CDKL1: variants seen among roughly 807,000 people sequenced by gnomAD.
CDKL1 encodes the protein cyclin-dependent kinase-like 1.
CDKL1 carries 41 observed loss-of-function variants against 42.0 expected under a neutral mutation model. The ratio of observed to expected loss-of-function variants is 0.98; its 90% CI spans 0.76 to 1.27. The LOEUF is 1.27. CDKL1 is among the 50% of genes most tolerant of loss of function. The probability of loss-of-function intolerance (pLI) is 0.00; values close to 1 mark genes in which losing one functional copy is unlikely to be tolerated. For synonymous variants in CDKL1, 153 were observed against 158.6 expected, an observed-to-expected ratio of 0.96 and a Z score of 0.26; for missense variants, 394 against 428.4, an observed-to-expected ratio of 0.92 and a Z score of 0.71.
chr14:50,387,422 C>A (rs2035119606), intron 2 of CDKL1, among the ~76,000 whole-genome samples: 1 of 151,952 alleles, frequency 6.6e-6, no homozygotes, highest in Non-Finnish European at 1.5e-5. Flanking sequence ...ACTCAGGAGG[C>A]TGAGGCAGGA....
At chr14:50,378,728 G>T (rs1041041513) in intron 2 of CDKL1, among the ~76,000 whole-genome samples, 1 of 151,956 alleles carries the variant, frequency 6.6e-6, no homozygotes, top group East Asian at 1.9e-4. Context: ...GTGGAGACAG[G>T]GTCTTACCAT....
intron 3 of CDKL1, chr14:50,357,056 A>G (rs2034077387): frequency 1.3e-5 from 2 of 152,250 alleles, no homozygotes; most frequent in African/African-American, 4.8e-5. Flanking sequence ...CTGGTACCAC[A>G]TAGCCATGAG....
intron 2 of CDKL1, among the ~76,000 whole-genome samples, chr14:50,364,974 G>C (rs769030359): frequency 6.6e-6 from 1 of 152,204 alleles, no homozygotes; most frequent in Non-Finnish European, 1.5e-5. Flanking sequence ...TTATAGCTAT[G>C]ATAAATGTTA....
intron 2 of CDKL1, among the ~76,000 whole-genome samples, chr14:50,361,510 T>C (rs930224770): frequency 3.2e-4 from 49 of 152,370 alleles, no homozygotes; most frequent in African/African-American, 1.1e-3. Flanking sequence ...ATCAAGGTGC[T>C]GGCACTGGTG....
intron 7 of CDKL1, among the ~76,000 whole-genome samples, chr14:50,337,288 C>T (rs970352732): frequency 6.6e-6 from 1 of 150,822 alleles, no homozygotes; most frequent in Non-Finnish European, 1.5e-5. Flanking sequence ...GGATTACAGG[C>T]GTGAGCCACC....
intron 2 of CDKL1, among the ~76,000 whole-genome samples, chr14:50,360,776 G>A (rs1049954514): frequency 2.3e-5 from 3 of 129,690 alleles, no homozygotes; most frequent in African/African-American, 5.9e-5. Flanking sequence ...AATGATAGAC[G>A]TGTGTGTGTT....
intron 2 of CDKL1, among the ~76,000 whole-genome samples, chr14:50,373,773 T>C (rs912648149): frequency 6.6e-6 from 1 of 152,166 alleles, no homozygotes; most frequent in Non-Finnish European, 1.5e-5. Flanking sequence ...AAGCTGATAA[T>C]ACCAAATGCT....
At chr14:50,378,275 G>A (rs781280806) in intron 2 of CDKL1, 26 of 1,366,272 alleles carry the variant, frequency 1.9e-5, no homozygotes, top group East Asian at 4.5e-5. Context: ...TAGGGCCCAC[G>A]GACCTATAAT....
intron 2 of CDKL1, among the ~76,000 whole-genome samples, chr14:50,359,920 C>T (rs1212805348): frequency 2.0e-5 from 3 of 151,630 alleles, no homozygotes; most frequent in Non-Finnish European, 4.4e-5. Context: ...AGGCACTGGT[C>T]TCTTTTTTTC....
intron 4 of CDKL1, among the ~76,000 whole-genome samples, chr14:50,343,212 C>A (rs1469776179): frequency 9.0e-6 from 1 of 111,416 alleles, no homozygotes; most frequent in African/African-American, 3.5e-5. Context: ...CCCTAATAAT[C>A]TTCCTCTTTC....
At chr14:50,330,387 C>A in intron 9 of CDKL1, 1 of 520,870 alleles carries the variant, frequency 1.9e-6, no homozygotes, top group Admixed American at 4.1e-5. Context: ...GAAAAACATT[C>A]ACATTAAAGA....
At chr14:50,336,833 A>G (rs2139380331) in intron 7 of CDKL1, among the ~76,000 whole-genome samples, 1 of 149,808 alleles carries the variant, frequency 6.7e-6, no homozygotes, top group African/African-American at 2.5e-5. Context: ...ATTTTGATAT[A>G]TATCCTTGCA....
intron 2 of CDKL1, chr14:50,377,649 G>GA (rs59930863): frequency 0.75 from 1,015,854 of 1,356,178 alleles, 382,721 homozygotes; most frequent in African/African-American, 0.88. Context: ...GGGGTGGGAG[G>GA]AGCCCAGGGA....
At chr14:50,342,889 T>C in intron 4 of CDKL1, 1 of 1,295,202 alleles carries the variant, frequency 7.7e-7, no homozygotes, top group Non-Finnish European at 1.0e-6. Context: ...TAAACAAGAG[T>C]AGGCAGCAGC....
At chr14:50,353,790 G>A (rs1254208086) in intron 3 of CDKL1, among the ~76,000 whole-genome samples, 1 of 152,052 alleles carries the variant, frequency 6.6e-6, no homozygotes, top group Non-Finnish European at 1.5e-5. Flanking sequence ...CAGCTACTCA[G>A]GAGGCTGGAA....
chr14:50,358,064 C>G lies in CDKL1; in HGVS notation c.290+964G>C, dbSNP rs775973841. ...CCTCAACTTCAGGAAGGGACCCCCT[C>G]CTCCTTTTTTCTTTTTCTTGGACAA... On this transcript the variant is annotated intron_variant, in intron 3 of 9. Coordinates refer to ENST00000395834, the MANE Select transcript of CDKL1 (RefSeq NM_004196.7). 2.9e-6 allele frequency: 4 copies of G among 1,358,152 alleles called. No homozygotes were observed. In the East Asian group the frequency reaches 1.8e-4, roughly 62 times the overall value. 84.1% of individuals were successfully genotyped at this position (1,358,152 alleles called of 1,614,324 possible). A position where few individuals can be genotyped will look rare whatever the true frequency, so the allele number is the denominator to read the frequency against.
In CDKL1 at chr14:50,334,158, G is replaced by T. The variant is rs192856411; in HGVS notation, c.795+407C>A. 8.1e-4 allele frequency: 125 copies of T among 154,292 alleles called. 2 individuals carry two copies. The highest frequency in any genetic ancestry group is 1.1e-3 in the Admixed American group (17 of 15,304). 9.6% of individuals were successfully genotyped at this position (154,292 alleles called of 1,614,324 possible). On this transcript the variant is annotated intron_variant, in intron 8 of 9. Transcript: ENST00000395834. The stretch of plus-strand genomic sequence containing the variant: ...AATTGAAAATATACTTTTCCAAGGA[G>T]AATTTTTTTTTTTTTTGAGACGGAG...
chr14:50,379,706 G>C (rs990204616), intron 2 of CDKL1, among the ~76,000 whole-genome samples: 5 of 152,154 alleles, frequency 3.3e-5, no homozygotes, highest in Non-Finnish European at 5.9e-5. Context: ...AGAAGAAACT[G>C]AGCAAGCAGA....
At chr14:50,369,612 A>G (rs377660347) in intron 2 of CDKL1, among the ~76,000 whole-genome samples, 2,292 of 138,458 alleles carry the variant, frequency 0.017, 39 homozygotes, top group Admixed American at 0.046. Flanking sequence ...ACACATGCAC[A>G]CACACACACA....
Sources: gnomAD v4.1 joint callset for allele counts (sites outside exome capture counted in the v4.1 genomes callset) on GRCh38, gnomAD v4.1.1 for gene constraint, MANE v1.5 for transcripts, NCBI Gene and HGNC (gene_info 2026-07-23, HGNC 2026-07-21) for gene names.